The following GSE1 variants were observed in gnomAD, a reference collection of about 807,000 sequenced individuals.
The protein encoded by GSE1 is genetic suppressor element 1.
A neutral mutation model predicts 112.6 loss-of-function variants in GSE1; 32 were observed. The observed-to-expected ratio is 0.28, with a 90% confidence interval of 0.21 to 0.38. The LOEUF is 0.38. Among genes scored for constraint, GSE1 ranks in the 10% least tolerant of loss-of-function variants. The probability of loss-of-function intolerance (pLI) is 1.00; values close to 1 mark genes in which losing one functional copy is unlikely to be tolerated. For synonymous variants in GSE1, 1,115 were observed against 735.6 expected (o/e 1.52, Z -8.35); for missense variants, 2,348 against 1,699.2 (o/e 1.38, Z -6.71).
At chr16:85,561,332 C>G (rs1050551223) in intron 1 of GSE1, among the ~76,000 whole-genome samples, 6 of 152,156 alleles carry the variant, frequency 3.9e-5, no homozygotes, top group Admixed American at 1.3e-4. Flanking sequence ...CGATCCTGGG[C>G]AGTCTGGCTC....
At chr16:85,540,392 T>A (rs922762227) in intron 2 of GSE1, among the ~76,000 whole-genome samples, 2 of 152,128 alleles carry the variant, frequency 1.3e-5, no homozygotes, top group African/African-American at 4.8e-5. Context: ...TTCTTTGGAG[T>A]CCCAGCTTAT....
chr16:85,478,524 CAAAAA>C (rs112620422), intron 2 of GSE1, among the ~76,000 whole-genome samples: 1 of 113,452 alleles, frequency 8.8e-6, no homozygotes, highest in African/African-American at 3.0e-5. Flanking sequence ...GAAACTGTCT[CAAAAA>C]AAAAAAAAAA....
At chr16:85,172,731 C>A (rs902021183) in intron 1 of GSE1, among the ~76,000 whole-genome samples, 1 of 152,212 alleles carries the variant, frequency 6.6e-6, no homozygotes, top group African/African-American at 2.4e-5. Flanking sequence ...CATGTGTGGG[C>A]AGAGGGACGT....
At chr16:85,170,277 G>C (rs1038467201) in exon 1 of GSE1, 2 of 985,590 alleles carry the variant, frequency 2.0e-6, no homozygotes, top group Non-Finnish European at 2.4e-6. Context: ...CCAAGTCCGG[G>C]GTTAGGCGCC....
intron 1 of GSE1, among the ~76,000 whole-genome samples, chr16:85,219,743 C>T (rs1490549358): frequency 1.3e-5 from 2 of 152,220 alleles, no homozygotes; most frequent in African/African-American, 4.8e-5. Context: ...ATTTGGAGCC[C>T]CTCCTTCCCC....
intron 2 of GSE1, among the ~76,000 whole-genome samples, chr16:85,434,567 C>T (rs1026206042): frequency 6.6e-6 from 1 of 152,174 alleles, no homozygotes; most frequent in African/African-American, 2.4e-5. Context: ...CCTGTAATCC[C>T]AGCACTTGGG....
At chr16:85,226,760 TGTGTGTGTGTGTG>T (rs1207416704) in intron 1 of GSE1, among the ~76,000 whole-genome samples, 3 of 3,318 alleles carry the variant, frequency 9.0e-4, no homozygotes, top group Non-Finnish European at 2.9e-3. Context: ...CCTGGACTGG[TGTGTGTGTGTGTG>T]TGTGTGTGTG....
At chr16:85,186,429 C>G (rs551045163) in intron 1 of GSE1, among the ~76,000 whole-genome samples, 2 of 150,730 alleles carry the variant, frequency 1.3e-5, no homozygotes, top group East Asian at 3.9e-4. Flanking sequence ...ATGGTGAAAC[C>G]CCATCTCTAC....
intron 2 of GSE1, among the ~76,000 whole-genome samples, chr16:85,496,053 A>G (rs1262053372): frequency 6.6e-6 from 1 of 152,194 alleles, no homozygotes; most frequent in East Asian, 1.9e-4. Context: ...TGCAAGCCAG[A>G]GCTGGATCCC....
intron 2 of GSE1, among the ~76,000 whole-genome samples, chr16:85,528,305 G>T (rs1302641422): frequency 6.6e-6 from 1 of 150,484 alleles, no homozygotes; most frequent in Non-Finnish European, 1.5e-5. Flanking sequence ...GGGATGGCTG[G>T]GGTTGTTTTT....
rs59509984 is a variant in GSE1, at chr16:85,294,360, G to C, written c.2284-63103G>C. On this transcript the variant is annotated intron_variant, in intron 1 of 2. Transcript: ENST00000637419. ...TCTGGAGTCTGCGCTTAAAGTGTGA[G>C]GTTTACTCTGAGTGACTCGTGCAGG... Among the ~76,000 whole-genome samples, 1,114 of 152,322 alleles carry C rather than the reference G, an allele frequency of 7.3e-3. 16 individuals are homozygous for C. The highest frequency in any genetic ancestry group is 0.026 in the African/African-American group (1,061 of 41,568).
chr16:85,314,563 C>T (rs568894386), intron 1 of GSE1, among the ~76,000 whole-genome samples: 16 of 152,282 alleles, frequency 1.1e-4, no homozygotes, highest in Non-Finnish European at 1.3e-4. Flanking sequence ...CATGTACACA[C>T]ACACACGTGA....
chr16:85,453,956 A>C (rs944817749), intron 2 of GSE1, among the ~76,000 whole-genome samples: 5 of 152,064 alleles, frequency 3.3e-5, no homozygotes, highest in African/African-American at 1.2e-4. Context: ...CCTTGGGTGA[A>C]GCTGCCAGCC....
At chr16:85,468,563 C>G (rs1249188744) in intron 2 of GSE1, among the ~76,000 whole-genome samples, 1 of 151,956 alleles carries the variant, frequency 6.6e-6, no homozygotes. Context: ...TGTGATCCAC[C>G]AGCCCCCCTC....
chr16:85,552,066 C>CTGTCCA (rs2044941703), upstream of GSE1, among the ~76,000 whole-genome samples: 1 of 152,090 alleles, frequency 6.6e-6, no homozygotes, highest in Admixed American at 6.5e-5. Context: ...CGCTCTGTCG[C>CTGTCCA]CCAGGCTGGA....
At chr16:85,273,536 A>G (rs929854605) in intron 1 of GSE1, among the ~76,000 whole-genome samples, 6 of 144,146 alleles carry the variant, frequency 4.2e-5, no homozygotes, top group African/African-American at 1.6e-4. Context: ...CGTGACGCTG[A>G]GTGACAGAAG....
upstream of GSE1, among the ~76,000 whole-genome samples, chr16:85,553,167 T>G (rs1292946771): frequency 6.9e-6 from 1 of 144,578 alleles, no homozygotes; most frequent in African/African-American, 2.5e-5. Context: ...GCACAGATCA[T>G]GCAGCTCGCG....
chr16:85,250,834 C>A (rs886574113), intron 1 of GSE1, among the ~76,000 whole-genome samples: 1 of 149,804 alleles, frequency 6.7e-6, no homozygotes, highest in African/African-American at 2.5e-5. Flanking sequence ...CCACCCCCAG[C>A]CCCCCTCCCT....
chr16:85,403,096 G>GT (rs1022055756), intron 2 of GSE1, among the ~76,000 whole-genome samples: 9 of 151,642 alleles, frequency 5.9e-5, no homozygotes, highest in Non-Finnish European at 1.0e-4. Context: ...GTTGCTGGGG[G>GT]GGGACTCAGT....
Sources: allele counts gnomAD v4.1 joint callset (sites outside exome capture counted in the v4.1 genomes callset), GRCh38; gene constraint gnomAD v4.1.1; transcripts MANE v1.5; gene names NCBI Gene and HGNC (gene_info 2026-07-23, HGNC 2026-07-21).